Variants in LPIN2 observed in about 807,000 individuals in gnomAD.
LPIN2 encodes lipin 2.
In LPIN2, 55 loss-of-function variants were observed where a neutral mutation model predicts 111.4. That is an observed-to-expected ratio of 0.49 (90% CI 0.40 to 0.62). LPIN2 has a LOEUF of 0.62. Ranked by LOEUF, LPIN2 falls within the 20% of genes least tolerant of loss-of-function variation. LPIN2 has a pLI of 0.00. For synonymous variants in LPIN2, 425 were observed against 414.0 expected (o/e 1.03, Z -0.32); for missense variants, 992 against 1,112.1 (o/e 0.89, Z 1.54).
At chr18:2,972,922 G>A (rs2077945518) in intron 1 of LPIN2, among the ~76,000 whole-genome samples, 1 of 152,184 alleles carries the variant, frequency 6.6e-6, no homozygotes, top group African/African-American at 2.4e-5. Flanking sequence ...CTCTGTACAT[G>A]AGGTGACAGA....
At chr18:2,957,064 C>G (rs1161349915) in intron 2 of LPIN2, among the ~76,000 whole-genome samples, 2 of 151,418 alleles carry the variant, frequency 1.3e-5, no homozygotes, top group Non-Finnish European at 1.5e-5. Flanking sequence ...AAAAATAACC[C>G]CTCATTTCCA....
chr18:2,920,013 C>T lies in LPIN2; in HGVS notation c.*280G>A, dbSNP rs1400040553. The T allele has an allele frequency of 3.7e-6, 2 of 534,752 alleles. No individual in the cohort carries two copies. Among genetic ancestry groups the T allele is most frequent in the Non-Finnish European group, 3.4e-6 (1 of 295,584 alleles). 33.1% of individuals were successfully genotyped at this position (534,752 alleles called of 1,614,324 possible). ...TTTAAAATGATGCAATGGAAGGAGGCCCCAGCTCACAGCAGGAAACATGTG... is the reference window on the plus strand; with the variant it reads ...TTTAAAATGATGCAATGGAAGGAGGTCCCAGCTCACAGCAGGAAACATGTG... On this transcript the variant is annotated 3_prime_UTR_variant, in exon 20 of 20. Transcript: ENST00000677752.
intron 7 of LPIN2, among the ~76,000 whole-genome samples, chr18:2,935,391 C>CA (rs1230041998): frequency 5.3e-5 from 8 of 152,068 alleles, no homozygotes; most frequent in Middle Eastern, 3.4e-3. Flanking sequence ...ATGTCACCTT[C>CA]AAAAAAACAA....
At chr18:2,977,756 A>G (rs1402493231) in intron 1 of LPIN2, among the ~76,000 whole-genome samples, 4 of 152,262 alleles carry the variant, frequency 2.6e-5, no homozygotes, top group Non-Finnish European at 4.4e-5. Flanking sequence ...AAATTAATAT[A>G]TAAGTGAGAA....
chr18:2,975,539 G>A (rs2077998587), intron 1 of LPIN2, among the ~76,000 whole-genome samples: 5 of 152,100 alleles, frequency 3.3e-5, no homozygotes, highest in Admixed American at 3.3e-4. Flanking sequence ...TCTCCATGTT[G>A]GTCAAGCTGG....
At chr18:2,962,362 A>ATCCT (rs1945088511) in intron 1 of LPIN2, among the ~76,000 whole-genome samples, 1 of 152,216 alleles carries the variant, frequency 6.6e-6, no homozygotes, top group Non-Finnish European at 1.5e-5. Context: ...ATAAGATGAC[A>ATCCT]TCCTTTATGT....
At chr18:2,942,009 G>A (rs1478183033) in intron 4 of LPIN2, among the ~76,000 whole-genome samples, 1 of 152,190 alleles carries the variant, frequency 6.6e-6, no homozygotes, top group Non-Finnish European at 1.5e-5. Flanking sequence ...GTTCTAATAG[G>A]ACAGATAATA....
intron 1 of LPIN2, among the ~76,000 whole-genome samples, chr18:2,994,525 T>C (rs2078312167): frequency 6.6e-6 from 1 of 152,246 alleles, no homozygotes; most frequent in African/African-American, 2.4e-5. Flanking sequence ...GGACATATAA[T>C]AATATTTTAT....
intron 1 of LPIN2, among the ~76,000 whole-genome samples, chr18:2,979,753 C>A (rs976694223): frequency 2.6e-5 from 4 of 152,196 alleles, no homozygotes; most frequent in Non-Finnish European, 5.9e-5. Flanking sequence ...CCCCCAAATT[C>A]CTGAGTTCAT....
At chr18:2,933,393 T>C (rs1405982469) in intron 8 of LPIN2, among the ~76,000 whole-genome samples, 2 of 152,210 alleles carry the variant, frequency 1.3e-5, no homozygotes, top group African/African-American at 4.8e-5. Flanking sequence ...GTGGTAATTC[T>C]ATGACAGCTT....
Position 2,917,129 on chromosome 18 carries a change from T to A in LPIN2, c.*3164A>T, listed in dbSNP as rs571588906. The A allele has an allele frequency of 3.9e-5, 6 of 152,364 alleles. No individual in the cohort carries two copies. The highest frequency in any genetic ancestry group is 1.4e-4 in the African/African-American group (6 of 41,590). 9.4% of individuals were successfully genotyped at this position (152,364 alleles called of 1,614,324 possible). A position where few individuals can be genotyped will look rare whatever the true frequency, so the allele number is the denominator to read the frequency against. ...AGTACTGTACTGATGATGTTTACAATTAACTTTGGACAACTTAAAACTTAT... is the reference window on the plus strand; with the variant it reads ...AGTACTGTACTGATGATGTTTACAAATAACTTTGGACAACTTAAAACTTAT... On this transcript the variant is annotated 3_prime_UTR_variant, in exon 20 of 20. Transcript: ENST00000677752.
At chr18:2,921,988 G>A (rs912027590) in intron 17 of LPIN2, 59 bp downstream of exon 17, 1 of 1,559,782 alleles carries the variant, frequency 6.4e-7, no homozygotes, top group East Asian at 2.3e-5. Context: ...CCCCACCTTG[G>A]GCCCAGCCCC....
In LPIN2 at chr18:2,925,515, A is replaced by G. The variant is rs1297517189; in HGVS notation, c.1794-147T>C. The G allele has an allele frequency of 2.8e-6, 3 of 1,060,962 alleles. No homozygotes were observed. Among genetic ancestry groups the G allele is most frequent in the Admixed American group, 4.0e-5 (2 of 50,228 alleles). 65.7% of individuals were successfully genotyped at this position (1,060,962 alleles called of 1,614,324 possible). ...CCTTCTGCCATTCTCCCATATCCAC[A>G]GCTCTGTACGCCTGAAATATTCATA... On this transcript the variant is annotated intron_variant, in intron 13 of 19. Coordinates refer to ENST00000677752, the MANE Select transcript of LPIN2 (RefSeq NM_001375808.2). The surrounding 1 kb of genome is among the most constrained non-coding windows in gnomAD (Gnocchi z 4.1).
intron 1 of LPIN2, among the ~76,000 whole-genome samples, chr18:3,006,155 A>T (rs897306812): frequency 6.6e-6 from 1 of 152,220 alleles, no homozygotes; most frequent in Non-Finnish European, 1.5e-5. Flanking sequence ...ATGCCTAAAG[A>T]AGTTGTTCAA....
intron 1 of LPIN2, among the ~76,000 whole-genome samples, chr18:3,007,597 T>A (rs1239959136): frequency 6.6e-6 from 1 of 152,334 alleles, no homozygotes; most frequent in African/African-American, 2.4e-5. Context: ...ACAAAAGATA[T>A]ATTATATCCC....
intron 1 of LPIN2, among the ~76,000 whole-genome samples, chr18:2,992,910 T>C (rs1188260312): frequency 2.8e-5 from 4 of 143,970 alleles, no homozygotes; most frequent in Middle Eastern, 3.7e-3. Context: ...GGCGTGAACC[T>C]GGAAGGCGGA....
At chr18:2,926,055 T>G (rs1191451699) in intron 13 of LPIN2, among the ~76,000 whole-genome samples, 1 of 152,038 alleles carries the variant, frequency 6.6e-6, no homozygotes, top group Admixed American at 6.6e-5. Context: ...CGAGGCAGGA[T>G]TGTATGAGCC....
intron 4 of LPIN2, among the ~76,000 whole-genome samples, chr18:2,949,140 T>C (rs1255289808): frequency 4.6e-5 from 7 of 152,144 alleles, no homozygotes; most frequent in African/African-American, 9.7e-5. Context: ...AGTCAAGCAG[T>C]AGAAAAGTAA....
Position 2,919,828 on chromosome 18 carries a change from C to G in LPIN2, c.*465G>C. ...CCAGAGAAGAAACGTGCACAGGCAG[C>G]TTCAGCCAGCATCACTGACTGGGCC... On this transcript the variant is annotated 3_prime_UTR_variant, in exon 20 of 20. Transcript: ENST00000677752. 4.5e-6 allele frequency: 1 copy of G among 219,842 alleles called. No homozygotes were observed. The highest frequency in any genetic ancestry group is 9.3e-6 in the Non-Finnish European group (1 of 107,544). The allele number at this position is 219,842 out of a possible 1,614,324, so 13.6% of individuals were successfully genotyped here.
Sources: allele counts gnomAD v4.1 joint callset (sites outside exome capture counted in the v4.1 genomes callset), GRCh38; gene constraint gnomAD v4.1.1; non-coding constraint Gnocchi (gnomAD v3.1); transcripts MANE v1.5; gene names NCBI Gene and HGNC (gene_info 2026-07-23, HGNC 2026-07-21).